The following CTBP2 variants were observed in gnomAD, a reference collection of about 807,000 sequenced individuals.
The protein encoded by CTBP2 is C-terminal binding protein 2.
In CTBP2, 30 loss-of-function variants were observed where a neutral mutation model predicts 80.3. The ratio of observed to expected loss-of-function variants is 0.37; its 90% CI spans 0.28 to 0.51. The LOEUF (loss-of-function observed/expected upper bound fraction) is 0.51, where lower values mean the gene tolerates loss of function less well. CTBP2 is among the 20% of genes least tolerant of loss of function. The pLI is 0.93. For synonymous variants in CTBP2, 594 were observed against 587.4 expected (o/e 1.01, Z -0.16); for missense variants, 1,212 against 1,375.3 (o/e 0.88, Z 1.88).
At position 125,003,387 on chromosome 10, in the gene CTBP2, G is replaced by A. The variant is rs757957580; in HGVS notation, c.1784C>T (p.Ala595Val). ...CTGCGCGTCACAGAAGGCCACAGTG[G>A]CCAGGTCCTTCAGGATGGGCATCTC... is the stretch of plus-strand genomic sequence containing the variant. The change falls in exon 2 of 9, where the codon GCC becomes GTC. Residue 595 changes from alanine to valine, a missense_variant. Ala to Val is a moderately conservative substitution (Grantham distance 64, BLOSUM62 0). Around this residue, in one of 3 missense-constraint regions of CTBP2, gnomAD observed 29 missense variants for 88.3 expected, o/e 0.33. Transcript: ENST00000309035. 1.2e-6 allele frequency: 2 copies of A among 1,607,912 alleles called. No homozygotes were observed. The highest frequency in any genetic ancestry group is 1.1e-5 in the South Asian group (1 of 90,726).
rs1261961309 is a variant in CTBP2, at chr10:125,066,449, C to A, written c.-101-27294G>T. On this transcript the variant is annotated intron_variant, in intron 2 of 10. Transcript: ENST00000337195. This position sits in a 1 kb window ranked among gnomAD's most constrained non-coding sequence, Gnocchi z 4.1. ...GCAGGAACGGAAGGCAAGCAGGGTG[C>A]GCAGATGTAACGGGGGAAGCAGGCA... Among the ~76,000 whole-genome samples the A allele has an allele frequency of 6.6e-6, 1 of 152,114 alleles. No individual in the cohort carries two copies. The highest frequency in any genetic ancestry group is 1.5e-5 in the Non-Finnish European group (1 of 68,026).
intron 1 of CTBP2, among the ~76,000 whole-genome samples, chr10:125,021,377 C>T (rs369541121): frequency 3.3e-5 from 5 of 152,304 alleles, no homozygotes; most frequent in South Asian, 2.1e-4. Flanking sequence ...GGCACTCCTT[C>T]GGGCCATGCA....
rs1248381195 is a variant in CTBP2, at chr10:125,057,738, T to C, written c.-101-18583A>G. ...TGGCTTAAAATAGGGCCTGTTTCAT[T>C]TGTTGACAAAACTCCAGCCTCTGGA... On this transcript the variant is annotated intron_variant, in intron 2 of 10. Coordinates refer to the CTBP2 transcript ENST00000337195. Among the ~76,000 whole-genome samples the C allele has an allele frequency of 2.0e-5, 3 of 152,218 alleles. No individual in the cohort carries two copies. In the East Asian group the frequency reaches 5.8e-4, roughly 29 times the overall value.
At position 124,984,922 on chromosome 10, in the gene CTBP2, G is replaced by A. The variant is rs771598478; in HGVS notation, c.*4596C>T. 1.4e-5 allele frequency: 22 copies of A among 1,613,848 alleles called. No individual in the cohort carries two copies. In the East Asian group the frequency reaches 1.6e-4, roughly 11 times the overall value. ...CAGATGGTAGAAAAATGGCTTGACC[G>A]CTACCGACAGATCCGGCCGTGTACA... On this transcript the variant is annotated 3_prime_UTR_variant, in exon 9 of 9. Transcript: ENST00000309035.
chr10:125,015,896 A>G (rs1228277417), intron 1 of CTBP2, among the ~76,000 whole-genome samples: 1 of 152,232 alleles, frequency 6.6e-6, no homozygotes, highest in Non-Finnish European at 1.5e-5. Flanking sequence ...CAGCGTGTCC[A>G]GTGTGGACAC....
intron 1 of CTBP2, among the ~76,000 whole-genome samples, chr10:125,120,157 C>T (rs187366123): frequency 1.5e-3 from 232 of 152,334 alleles, no homozygotes; most frequent in Non-Finnish European, 2.7e-3. Context: ...AGGACCCCGA[C>T]TGATGCCGGG....
chr10:125,074,954 G>A (rs538316355), intron 2 of CTBP2, among the ~76,000 whole-genome samples: 74 of 152,326 alleles, frequency 4.9e-4, no homozygotes, highest in Middle Eastern at 3.4e-3. Context: ...AGGCGGAGCC[G>A]AGAAAACAAT....
At chr10:125,018,976 G>A (rs1303941937) in intron 1 of CTBP2, among the ~76,000 whole-genome samples, 2 of 152,198 alleles carry the variant, frequency 1.3e-5, no homozygotes, top group African/African-American at 2.4e-5. Context: ...CCAGGGGGCC[G>A]CCCACTCTGT....
At chr10:125,143,630 G>T (rs1172194862) in intron 1 of CTBP2, among the ~76,000 whole-genome samples, 1 of 151,688 alleles carries the variant, frequency 6.6e-6, no homozygotes, top group African/African-American at 2.4e-5. Flanking sequence ...CCCCAGTAAT[G>T]CATAACTGCT....
chr10:125,092,427 C>A (rs1045008983), intron 2 of CTBP2, among the ~76,000 whole-genome samples: 2 of 152,108 alleles, frequency 1.3e-5, no homozygotes, highest in Non-Finnish European at 2.9e-5. Context: ...GTGATCCATC[C>A]TGCCTCCACC....
At chr10:125,131,359 C>T (rs927991710) in intron 1 of CTBP2, among the ~76,000 whole-genome samples, 4 of 152,146 alleles carry the variant, frequency 2.6e-5, no homozygotes, top group Admixed American at 1.3e-4. Context: ...TTTAAGGGCA[C>T]CTAGCCGAAC....
chr10:125,092,749 G>A (rs1211051729), intron 2 of CTBP2, among the ~76,000 whole-genome samples: 2 of 152,160 alleles, frequency 1.3e-5, no homozygotes, highest in East Asian at 3.8e-4. Context: ...GCCCATGTTG[G>A]GCCACACTGT....
rs1253100109 is a variant in CTBP2 at position 124,987,839 on chromosome 10, C to T, written c.*1679G>A. ...ACCTGGAATTGTTGGACTTAATTGA[C>T]ACTTGCAAATACTTTTAGTATAAAG... On this transcript the variant is annotated 3_prime_UTR_variant, in exon 9 of 9. Coordinates refer to ENST00000309035, the MANE Select transcript of CTBP2 (RefSeq NM_022802.3). 1 of 152,194 alleles carries T rather than the reference C, an allele frequency of 6.6e-6. No individual in the cohort carries two copies. The highest frequency in any genetic ancestry group is 2.1e-4 in the South Asian group (1 of 4,826). The allele number at this position is 152,194 out of a possible 1,614,324, so 9.4% of individuals were successfully genotyped here.
intron 2 of CTBP2, among the ~76,000 whole-genome samples, chr10:125,048,231 C>T (rs1480711473): frequency 3.9e-5 from 6 of 152,152 alleles, no homozygotes; most frequent in Non-Finnish European, 7.4e-5. Context: ...TGGTGTCCAG[C>T]GATGGGGCCC....
intron 1 of CTBP2, among the ~76,000 whole-genome samples, chr10:125,115,694 A>T (rs1040696005): frequency 6.6e-6 from 1 of 152,218 alleles, no homozygotes; most frequent in East Asian, 1.9e-4. Flanking sequence ...AACTCATGAG[A>T]TAAACAGTTG....
At chr10:124,991,171 G>A (rs889313793) in intron 8 of CTBP2, among the ~76,000 whole-genome samples, 1 of 152,200 alleles carries the variant, frequency 6.6e-6, no homozygotes, top group Non-Finnish European at 1.5e-5. Flanking sequence ...CAGGGTCCTC[G>A]GGCAAAGTGG....
Position 124,989,668 on chromosome 10 carries a change from T to C in CTBP2, c.2808A>G (p.Pro936=). ...CTTCCATGGCTGCAGGAAGTCCTCCTGGAGCCACACCCACGATGCCTGGCG... is the reference window on the plus strand; with the variant it reads ...CTTCCATGGCTGCAGGAAGTCCTCCCGGAGCCACACCCACGATGCCTGGCG... The change falls in exon 9 of 9, where the codon CCA becomes CCG. Residue 936 remains proline, a synonymous_variant. Coordinates refer to ENST00000309035, the MANE Select transcript of CTBP2 (RefSeq NM_022802.3). The C allele has an allele frequency of 6.2e-7, 1 of 1,600,228 alleles. No homozygotes were observed. Among genetic ancestry groups the C allele is most frequent in the Non-Finnish European group, 8.5e-7 (1 of 1,172,458 alleles).
At chr10:125,123,778 C>G (rs1353163305) in intron 1 of CTBP2, among the ~76,000 whole-genome samples, 1 of 152,218 alleles carries the variant, frequency 6.6e-6, no homozygotes, top group African/African-American at 2.4e-5. Flanking sequence ...GATGCTCGTG[C>G]TACGTCAATT....
intron 1 of CTBP2, among the ~76,000 whole-genome samples, chr10:125,121,553 C>T (rs1854322144): frequency 6.6e-6 from 1 of 152,136 alleles, no homozygotes; most frequent in South Asian, 2.1e-4. Context: ...TTAAAAAATC[C>T]ATTTCAAGGC....
Sources: gnomAD v4.1 joint callset for allele counts (sites outside exome capture counted in the v4.1 genomes callset) on GRCh38, gnomAD v4.1.1 for gene constraint, gnomAD v4.1.1 regional missense constraint, Gnocchi (gnomAD v3.1) non-coding constraint, MANE v1.5 for transcripts, NCBI Gene and HGNC (gene_info 2026-07-23, HGNC 2026-07-21) for gene names.